The following AUTS2 variants were observed in gnomAD, a reference collection of about 807,000 sequenced individuals.
AUTS2 encodes autism susceptibility gene 2 protein.
In AUTS2, 17 loss-of-function variants were observed where a neutral mutation model predicts 112.4. The observed-to-expected ratio is 0.15, with a 90% CI of 0.10 to 0.23. The LOEUF is 0.23. Among genes scored for constraint, AUTS2 ranks in the 10% least tolerant of loss-of-function variants. The pLI, the probability that AUTS2 is intolerant of heterozygous loss-of-function variation, is 1.00. For missense variants in AUTS2, 1,510 were observed against 1,701.6 expected (o/e 0.89, Z 1.98); for synonymous variants, 751 against 702.7 (o/e 1.07, Z -1.09).
intron 5 of AUTS2, among the ~76,000 whole-genome samples, chr7:70,518,502 G>A (rs1799509306): frequency 6.6e-6 from 1 of 152,040 alleles, no homozygotes; most frequent in South Asian, 2.1e-4. Context: ...CTAACACGGT[G>A]AAACCCCGTC....
chr7:69,710,058 G>T (rs1411031827), intron 1 of AUTS2, among the ~76,000 whole-genome samples: 1 of 151,944 alleles, frequency 6.6e-6, no homozygotes, highest in Non-Finnish European at 1.5e-5. Context: ...TTTTTTGATG[G>T]CCAGCCCTCT....
intron 4 of AUTS2, among the ~76,000 whole-genome samples, chr7:70,193,703 C>G (rs1810024083): frequency 6.6e-6 from 1 of 152,158 alleles, no homozygotes; most frequent in Non-Finnish European, 1.5e-5. Flanking sequence ...GGGCACTGTT[C>G]AGATTTAACT....
At chr7:69,624,617 C>T (rs933791093) in intron 1 of AUTS2, among the ~76,000 whole-genome samples, 4 of 152,206 alleles carry the variant, frequency 2.6e-5, no homozygotes, top group African/African-American at 9.6e-5. Context: ...CTGCCAGCAG[C>T]TACACATCTG....
chr7:70,394,441 A>G (rs191322635), intron 4 of AUTS2, among the ~76,000 whole-genome samples: 1 of 152,354 alleles, frequency 6.6e-6, no homozygotes, highest in Admixed American at 6.5e-5. Context: ...CCTGGGCCTG[A>G]TACGGTATCT....
intron 1 of AUTS2, among the ~76,000 whole-genome samples, chr7:69,684,140 A>G (rs1796948438): frequency 6.6e-6 from 1 of 152,124 alleles, no homozygotes; most frequent in Non-Finnish European, 1.5e-5. Context: ...GTATTTTAAC[A>G]GCTTTGTGTC....
At chr7:70,442,513 T>C (rs13437849) in intron 5 of AUTS2, among the ~76,000 whole-genome samples, 11,622 of 152,154 alleles carry the variant, frequency 0.076, 565 homozygotes, top group East Asian at 0.14. Context: ...TTTTTTGAAA[T>C]GGAGTCTCGC....
intron 7 of AUTS2, 49 bp downstream of exon 7, chr7:70,763,390 A>T: frequency 7.1e-7 from 1 of 1,401,176 alleles, no homozygotes; most frequent in South Asian, 1.4e-5. Context: ...CTCCCTGGGG[A>T]TCAGGTGGGT....
intron 1 of AUTS2, among the ~76,000 whole-genome samples, chr7:69,612,721 T>C (rs1241792784): frequency 6.6e-6 from 1 of 152,220 alleles, no homozygotes; most frequent in Non-Finnish European, 1.5e-5. Context: ...CTCTCAAAAG[T>C]GCTGGGATTA....
At chr7:70,775,934 G>A (rs938089041) in intron 13 of AUTS2, among the ~76,000 whole-genome samples, 3 of 152,198 alleles carry the variant, frequency 2.0e-5, no homozygotes, top group Admixed American at 2.0e-4. Context: ...TGGTGGTTGG[G>A]GGTAAGACAG....
At chr7:70,697,351 A>G (rs1809173577) in intron 5 of AUTS2, among the ~76,000 whole-genome samples, 2 of 152,224 alleles carry the variant, frequency 1.3e-5, no homozygotes, top group Admixed American at 6.5e-5. Context: ...CCCCCATAAA[A>G]GTAATGTTAG....
intron 6 of AUTS2, among the ~76,000 whole-genome samples, chr7:70,709,715 A>T (rs946978053): frequency 2.0e-5 from 3 of 152,218 alleles, no homozygotes; most frequent in Admixed American, 2.0e-4. Flanking sequence ...CTGTCTGGAA[A>T]AATATTTACA....
At chr7:70,511,915 T>C (rs1421055167) in intron 5 of AUTS2, among the ~76,000 whole-genome samples, 16 of 152,146 alleles carry the variant, frequency 1.1e-4, no homozygotes, top group Admixed American at 1.0e-3. Context: ...ACTTTCACTC[T>C]TCAAAGTGTC....
intron 6 of AUTS2, among the ~76,000 whole-genome samples, chr7:70,731,916 G>A (rs1787426299): frequency 6.6e-6 from 1 of 152,012 alleles, no homozygotes; most frequent in African/African-American, 2.4e-5. Context: ...AGGAATAAGG[G>A]TAATGTCTTT....
chr7:70,658,395 G>A (rs916260232), intron 5 of AUTS2, among the ~76,000 whole-genome samples: 8 of 152,190 alleles, frequency 5.3e-5, no homozygotes, highest in Non-Finnish European at 8.8e-5. Flanking sequence ...TCTTTTCAGA[G>A]AAGAGCTTCA....
In AUTS2 at chr7:70,665,547, C is replaced by T. The variant is rs564157612; in HGVS notation, c.691-33022C>T. On this transcript the variant is annotated intron_variant, in intron 5 of 18. Coordinates refer to ENST00000342771, the MANE Select transcript of AUTS2 (RefSeq NM_015570.4). Reference sequence around the variant, plus strand: ...AAGTCCTGGGCTCAAGTGATCTTCCCGCCTCGGCCTCCCAAAGTATTGGGA... The same window carrying T: ...AAGTCCTGGGCTCAAGTGATCTTCCTGCCTCGGCCTCCCAAAGTATTGGGA... Among the ~76,000 whole-genome samples, 76 of 151,740 alleles carry T rather than the reference C, an allele frequency of 5.0e-4. No individual in the cohort carries two copies. The South Asian group carries it at 9.8e-3, about 20-fold the overall frequency.
intron 4 of AUTS2, among the ~76,000 whole-genome samples, chr7:70,325,991 C>G (rs561569358): frequency 1.3e-5 from 2 of 152,324 alleles, no homozygotes; most frequent in African/African-American, 4.8e-5. Flanking sequence ...GTGTTTGATT[C>G]ATTTAGTCAC....
intron 4 of AUTS2, among the ~76,000 whole-genome samples, chr7:70,242,300 C>T (rs199956638): frequency 6.6e-6 from 1 of 152,146 alleles, no homozygotes; most frequent in South Asian, 2.1e-4. Context: ...AGTGACCATC[C>T]AGCCTGCACC....
chr7:70,000,785 A>G (rs1257045240), intron 2 of AUTS2, among the ~76,000 whole-genome samples: 16 of 152,184 alleles, frequency 1.1e-4, no homozygotes, highest in Admixed American at 9.8e-4. Flanking sequence ...TTCTACTCAG[A>G]TTAGCAGATG....
chr7:70,790,041 C>T lies in AUTS2; in HGVS notation c.2825C>T (p.Pro942Leu), dbSNP rs1024325794. 1.9e-6 allele frequency: 3 copies of T among 1,582,030 alleles called. No homozygotes were observed. The highest frequency in any genetic ancestry group is 1.7e-6 in the Non-Finnish European group (2 of 1,165,310). The change falls in exon 19 of 19, where the codon CCC becomes CTC. Residue 942 changes from proline (P) to leucine (L), a missense_variant. Physicochemically the swap from Pro to Leu is moderately conservative, Grantham distance 98. Coordinates refer to ENST00000342771, the MANE Select transcript of AUTS2 (RefSeq NM_015570.4). The surrounding 1 kb of genome is among the most constrained non-coding windows in gnomAD (Gnocchi z 7.6). ...EAKQLARVPS[P>L]YVRTPVVESA... is the part of the protein sequence containing the mutation. ...AAGCAGCTGGCCCGGGTGCCGTCTCCCTACGTGCGGACCCCGGTGGTGGAG... is the reference window on the plus strand; with the variant it reads ...AAGCAGCTGGCCCGGGTGCCGTCTCTCTACGTGCGGACCCCGGTGGTGGAG...
Sources: gnomAD v4.1 joint callset for allele counts (sites outside exome capture counted in the v4.1 genomes callset) on GRCh38, gnomAD v4.1.1 for gene constraint, Gnocchi (gnomAD v3.1) non-coding constraint, MANE v1.5 for transcripts, NCBI Gene and HGNC (gene_info 2026-07-23, HGNC 2026-07-21) for gene names.